The following TMEM131L variants were observed in gnomAD, a reference collection of about 807,000 sequenced individuals.
The protein encoded by TMEM131L is transmembrane 131 like.
A neutral mutation model predicts 192.2 loss-of-function variants in TMEM131L; 54 were observed. That is an observed-to-expected ratio of 0.28 (90% CI 0.23 to 0.35). TMEM131L has a LOEUF of 0.35. Ranked by LOEUF, TMEM131L falls within the 10% of genes least tolerant of loss-of-function variation. The probability of loss-of-function intolerance (pLI) is 1.00; values close to 1 mark genes in which losing one functional copy is unlikely to be tolerated. For synonymous variants in TMEM131L, 701 were observed against 704.9 expected (o/e 0.99, Z 0.09); for missense variants, 1,888 against 1,972.9 (o/e 0.96, Z 0.82).
intron 7 of TMEM131L, among the ~76,000 whole-genome samples, chr4:153,565,422 A>G (rs992073264): frequency 6.6e-6 from 1 of 152,206 alleles, no homozygotes; most frequent in Non-Finnish European, 1.5e-5. Flanking sequence ...TATTATTCTT[A>G]TTTTAGAAAT....
At chr4:153,554,611 T>C (rs1737863655) in intron 4 of TMEM131L, among the ~76,000 whole-genome samples, 1 of 152,266 alleles carries the variant, frequency 6.6e-6, no homozygotes, top group African/African-American at 2.4e-5. Context: ...CTGATATTTT[T>C]CCAATTTTAT....
At chr4:153,617,443 T>C (rs934936043) in intron 26 of TMEM131L, among the ~76,000 whole-genome samples, 2 of 152,264 alleles carry the variant, frequency 1.3e-5, no homozygotes, top group Non-Finnish European at 2.9e-5. Context: ...TCACATGTCA[T>C]GTCTGAGAAT....
chr4:153,486,267 C>G (rs531966454), intron 3 of TMEM131L, among the ~76,000 whole-genome samples: 2 of 152,278 alleles, frequency 1.3e-5, no homozygotes, highest in South Asian at 4.1e-4. Context: ...TGTGGATTAT[C>G]CACAGATATT....
chr4:153,471,595 TCTAGAA>T (rs1364925172), intron 2 of TMEM131L, among the ~76,000 whole-genome samples: 25 of 152,198 alleles, frequency 1.6e-4, no homozygotes, highest in African/African-American at 5.5e-4. Context: ...AGAAGGGCAG[TCTAGAA>T]TCTGTTCTTT....
In TMEM131L at chr4:153,603,879, C is replaced by T. The variant is rs1732024182; in HGVS notation, c.2867C>T (p.Thr956Ile). Residue 956 changes from threonine (T) to isoleucine (I), a missense_variant, in exon 25 of 35, where the codon ACT becomes ATT. By Grantham distance (89) the Thr-to-Ile change is moderately conservative (BLOSUM62 -1). Transcript: ENST00000409959. Reference sequence around the variant, plus strand: ...GGGAAGAACTGCCTTCCAGTGAACACTCCCCAAAGCAGGATCCAGAATGCT... The same window carrying T: ...GGGAAGAACTGCCTTCCAGTGAACATTCCCCAAAGCAGGATCCAGAATGCT... Reference protein sequence around the residue: ...GRGKNCLPVNTPQSRIQNAAK... With the variant: ...GRGKNCLPVNIPQSRIQNAAK... 5 of 1,614,040 alleles carry T rather than the reference C, an allele frequency of 3.1e-6. No homozygotes were observed. The highest frequency in any genetic ancestry group is 1.7e-5 in the Admixed American group (1 of 59,990).
chr4:153,587,899 A>G, intron 15 of TMEM131L, 88 bp downstream of exon 15: 1 of 938,336 alleles, frequency 1.1e-6, no homozygotes, highest in South Asian at 1.3e-5. Context: ...CAATGGAATA[A>G]TTAGTTCTGT....
At chr4:153,523,803 AC>A (rs1735281607) in intron 3 of TMEM131L, among the ~76,000 whole-genome samples, 1 of 152,164 alleles carries the variant, frequency 6.6e-6, no homozygotes, top group African/African-American at 2.4e-5. Flanking sequence ...AAAAGATCTC[AC>A]CTTTACTCCT....
intron 2 of TMEM131L, 86 bp downstream of exon 2, chr4:153,467,367 A>C: frequency 3.3e-6 from 4 of 1,203,952 alleles, no homozygotes; most frequent in South Asian, 1.3e-5. Context: ...CCCCCTGTCC[A>C]AGCGGCACAG....
At chr4:153,634,465 C>A in intron 33 of TMEM131L, 185 bp downstream of exon 33, 1 of 529,116 alleles carries the variant, frequency 1.9e-6, no homozygotes, top group Non-Finnish European at 3.3e-6. Context: ...TTTTATATGA[C>A]CCTCAAAAAG....
At chr4:153,537,370 G>C (rs1371676318) in intron 3 of TMEM131L, among the ~76,000 whole-genome samples, 2 of 152,158 alleles carry the variant, frequency 1.3e-5, no homozygotes, top group Admixed American at 6.5e-5. Flanking sequence ...CAAGTCCATA[G>C]TGCAAAGCAA....
At chr4:153,635,288 G>A (rs1734490925) in intron 33 of TMEM131L, 144 bp from the exon 34 acceptor site, 6 of 656,316 alleles carry the variant, frequency 9.1e-6, no homozygotes, top group South Asian at 4.5e-5. Flanking sequence ...ATGTTGCAAC[G>A]ACTCTCCTGG....
Position 153,584,882 on chromosome 4 carries a change from A to G in TMEM131L, c.1108A>G (p.Thr370Ala). 9.3e-6 allele frequency: 15 copies of G among 1,614,174 alleles called. No homozygotes were observed. Among genetic ancestry groups the G allele is most frequent in the East Asian group, 2.2e-5 (1 of 44,878 alleles). ...AATTATAGAAGATGTGAAGAAAACA[A>G]CACACACTCCAACACTAAAAGCATG... The part of the protein sequence containing the change: ...SGIIEDVKKT[T>A]HTPTLKACLF... Residue 370 changes from threonine (T) to alanine (A), a missense_variant, in exon 12 of 35, where the codon ACA becomes GCA. Thr to Ala is a moderately conservative substitution (Grantham distance 58, BLOSUM62 0). Coordinates refer to ENST00000409959, the MANE Select transcript of TMEM131L (RefSeq NM_001131007.2).
Position 153,581,396 on chromosome 4 carries a change from T to C in TMEM131L, c.739-11T>C. ...TTTTTTTTCCTTTTTTCCTCCTCCTTCCAACCATAGGGTTGTTATCTGGAA... is the reference window on the plus strand; with the variant it reads ...TTTTTTTTCCTTTTTTCCTCCTCCTCCCAACCATAGGGTTGTTATCTGGAA... On this transcript the variant is annotated splice_polypyrimidine_tract_variant and intron_variant, in intron 8 of 34. Transcript: ENST00000409959. 6.6e-7 allele frequency: 1 copy of C among 1,519,192 alleles called. No homozygotes were observed. Among genetic ancestry groups the C allele is most frequent in the Non-Finnish European group, 8.8e-7 (1 of 1,130,660 alleles). 94.1% of individuals were successfully genotyped at this position (1,519,192 alleles called of 1,614,324 possible). A position where few individuals can be genotyped will look rare whatever the true frequency, so the allele number is the denominator to read the frequency against.
intron 3 of TMEM131L, among the ~76,000 whole-genome samples, chr4:153,490,343 C>T (rs1732678498): frequency 6.6e-6 from 1 of 152,140 alleles, no homozygotes; most frequent in African/African-American, 2.4e-5. Flanking sequence ...GGCGCCTTTA[C>T]AGTGACTACT....
chr4:153,602,825 A>G lies in TMEM131L; in HGVS notation c.2639+98A>G, dbSNP rs77261779. 10 of 1,045,454 alleles carry G rather than the reference A, an allele frequency of 9.6e-6. 1 individual carries two copies. Among genetic ancestry groups the G allele is most frequent in the South Asian group, 9.0e-5 (6 of 66,710 alleles). 64.8% of individuals were successfully genotyped at this position (1,045,454 alleles called of 1,614,324 possible). ...AACTGCCCGAGTGTAGTCAAAGTAT[A>G]TGAATTGAGTGGAATTGTTACTGCT... is the stretch of plus-strand genomic sequence containing the variant. On this transcript the variant is annotated intron_variant, in intron 23 of 34. Transcript: ENST00000409959.
chr4:153,596,363 G>T lies in TMEM131L; in HGVS notation c.2101G>T (p.Val701Phe). ...VVFTPADYGKVTSLILIRNNL... is the reference protein window; with the variant it reads ...VVFTPADYGKFTSLILIRNNL... ...TTTCACACCTGCTGACTATGGAAAA[G>T]TTACCTCACTCATACTAATCCGGTA... The change falls in exon 20 of 35, where the codon GTT becomes TTT. Residue 701 changes from valine to phenylalanine, a missense_variant. Physicochemically the swap from Val to Phe is conservative, Grantham distance 50. Coordinates refer to ENST00000409959, the MANE Select transcript of TMEM131L (RefSeq NM_001131007.2). 6.2e-7 allele frequency: 1 copy of T among 1,613,884 alleles called. No homozygotes were observed.
At chr4:153,511,034 G>A (rs1734318268) in intron 3 of TMEM131L, among the ~76,000 whole-genome samples, 1 of 152,208 alleles carries the variant, frequency 6.6e-6, no homozygotes, top group Non-Finnish European at 1.5e-5. Context: ...CGGTTGGTAG[G>A]AGTGTAACTT....
chr4:153,568,448 C>T (rs1392908835), intron 7 of TMEM131L, among the ~76,000 whole-genome samples: 1 of 152,066 alleles, frequency 6.6e-6, no homozygotes, highest in Non-Finnish European at 1.5e-5. Flanking sequence ...TTTTTGCCTC[C>T]CAGGAGAATT....
intron 3 of TMEM131L, among the ~76,000 whole-genome samples, chr4:153,500,470 G>C (rs562490268): frequency 2.0e-5 from 3 of 152,140 alleles, no homozygotes; most frequent in African/African-American, 7.2e-5. Context: ...GATCTGAATG[G>C]TGCCCTATGT....
Sources: gnomAD v4.1 joint callset for allele counts (sites outside exome capture counted in the v4.1 genomes callset) on GRCh38, gnomAD v4.1.1 for gene constraint, MANE v1.5 for transcripts, NCBI Gene and HGNC (gene_info 2026-07-23, HGNC 2026-07-21) for gene names.